CCDC68: variants seen among roughly 807,000 people sequenced by gnomAD.
The protein encoded by CCDC68 is coiled-coil domain containing 68.
In CCDC68, 45 loss-of-function variants were observed where a neutral mutation model predicts 47.1. The observed-to-expected ratio is 0.96, with a 90% CI of 0.75 to 1.23. CCDC68 has a LOEUF of 1.23. Ranked by LOEUF, CCDC68 falls within the 50% of genes most tolerant of loss-of-function variation. The pLI, the probability that CCDC68 is intolerant of heterozygous loss-of-function variation, is 0.00. For synonymous variants in CCDC68, 131 were observed against 129.5 expected (o/e 1.01, Z -0.08); for missense variants, 353 against 373.6 (o/e 0.94, Z 0.45).
Position 54,934,143 on chromosome 18 carries a change from TA to T in CCDC68, c.600+676del, listed in dbSNP as rs555251543. Among the ~76,000 whole-genome samples the T allele has an allele frequency of 9.8e-4, 150 of 152,352 alleles. 1 individual carries two copies. The highest frequency in any genetic ancestry group is 1.4e-3 in the Non-Finnish European group (98 of 68,024). ...GCCAGTTTTCTCTTTGTTTTGCTAA[TA>T]AAAAATATTCCTTGATTTGTCCAAA... On this transcript the variant is annotated intron_variant, in intron 7 of 11. Transcript: ENST00000591504.
intron 8 of CCDC68, among the ~76,000 whole-genome samples, chr18:54,925,086 A>G (rs1424742181): frequency 6.6e-6 from 1 of 152,126 alleles, no homozygotes; most frequent in African/African-American, 2.4e-5. Context: ...GATCGCAAAC[A>G]CCTGATTGGT....
At chr18:54,931,096 G>T (rs948104563) in intron 7 of CCDC68, among the ~76,000 whole-genome samples, 45 of 152,044 alleles carry the variant, frequency 3.0e-4, no homozygotes, top group Admixed American at 6.5e-4. Context: ...TTTTGAATTT[G>T]TAGGGTGAGG....
At chr18:54,919,713 T>A (rs1274447591) in intron 8 of CCDC68, among the ~76,000 whole-genome samples, 1 of 152,202 alleles carries the variant, frequency 6.6e-6, no homozygotes, top group Non-Finnish European at 1.5e-5. Flanking sequence ...CCCACAGACC[T>A]GGCACCCATC....
intron 1 of CCDC68, among the ~76,000 whole-genome samples, chr18:54,952,889 C>T (rs9675382): frequency 0.99 from 150,701 of 152,270 alleles, 74,597 homozygotes; most frequent in East Asian, 1. Flanking sequence ...GGTGCACGTG[C>T]GTAATCACAG....
chr18:54,934,240 C>G (rs1044238260), intron 7 of CCDC68, among the ~76,000 whole-genome samples: 1 of 152,206 alleles, frequency 6.6e-6, no homozygotes, highest in African/African-American at 2.4e-5. Context: ...GTGCCAGCTA[C>G]TTAAATGAAC....
intron 1 of CCDC68, among the ~76,000 whole-genome samples, chr18:54,952,574 T>G (rs1285172346): frequency 6.6e-6 from 1 of 152,160 alleles, no homozygotes; most frequent in Non-Finnish European, 1.5e-5. Flanking sequence ...AAATACATAG[T>G]ATACAACCCA....
Position 54,919,385 on chromosome 18 carries a change from G to A in CCDC68, c.684-9C>T. ...TCTGAAGATCCTGGCAACTGGGAAT[G>A]CAAAGGGAAAAAGACCAAGAGAAAA... On this transcript the variant is annotated splice_polypyrimidine_tract_variant and intron_variant, in intron 8 of 11. Coordinates refer to ENST00000591504, the MANE Select transcript of CCDC68 (RefSeq NM_025214.3). The A allele has an allele frequency of 6.3e-7, 1 of 1,596,606 alleles. No individual in the cohort carries two copies.
chr18:54,918,796 TC>T (rs2145423201), intron 9 of CCDC68, among the ~76,000 whole-genome samples: 1 of 152,300 alleles, frequency 6.6e-6, no homozygotes, highest in African/African-American at 2.4e-5. Context: ...AAATACACAC[TC>T]CGCCATCTAG....
chr18:54,908,359 G>A (rs557202023), intron 10 of CCDC68, among the ~76,000 whole-genome samples: 8 of 152,204 alleles, frequency 5.3e-5, no homozygotes, highest in Non-Finnish European at 1.0e-4. Context: ...ATCTATACTA[G>A]TGGTAAATGA....
intron 11 of CCDC68, among the ~76,000 whole-genome samples, chr18:54,904,853 G>GTA (rs938185151): frequency 3.3e-5 from 5 of 152,068 alleles, no homozygotes; most frequent in South Asian, 2.1e-4. Flanking sequence ...GTATGTGTGT[G>GTA]TATATATATA....
intron 6 of CCDC68, 49 bp downstream of exon 6, chr18:54,936,784 G>T: frequency 6.2e-7 from 1 of 1,610,036 alleles, no homozygotes; most frequent in Non-Finnish European, 8.5e-7. Context: ...AACTTCAACA[G>T]CTCAGGGTGG....
chr18:54,913,833 AAAAAT>A (rs928237379), intron 10 of CCDC68, among the ~76,000 whole-genome samples: 4 of 152,158 alleles, frequency 2.6e-5, no homozygotes, highest in Non-Finnish European at 4.4e-5. Flanking sequence ...ATAACAAAAT[AAAAAT>A]AAAATAAAAT....
chr18:54,956,258 GA>G (rs1275898900), intron 1 of CCDC68, among the ~76,000 whole-genome samples: 4 of 152,250 alleles, frequency 2.6e-5, no homozygotes, highest in Non-Finnish European at 5.9e-5. Context: ...AAAATGCTGG[GA>G]TTATAGGTGT....
chr18:54,934,785 C>A, intron 7 of CCDC68, 35 bp downstream of exon 7: 2 of 1,386,762 alleles, frequency 1.4e-6, no homozygotes, highest in South Asian at 3.9e-5. Flanking sequence ...CTAATGCTGT[C>A]AGTAAGAAAA....
At chr18:54,927,623 A>G (rs2044167539) in intron 8 of CCDC68, among the ~76,000 whole-genome samples, 1 of 152,250 alleles carries the variant, frequency 6.6e-6, no homozygotes, top group African/African-American at 2.4e-5. Flanking sequence ...TCCAAGATCT[A>G]AGGATACTTT....
chr18:54,953,003 ACT>A (rs1410999829), intron 1 of CCDC68, among the ~76,000 whole-genome samples: 1 of 151,324 alleles, frequency 6.6e-6, no homozygotes, highest in African/African-American at 2.4e-5. Context: ...ACAGAGTGAG[ACT>A]CTGTTTCAAA....
chr18:54,952,614 T>G (rs2044637526), intron 1 of CCDC68, among the ~76,000 whole-genome samples: 1 of 152,152 alleles, frequency 6.6e-6, no homozygotes, highest in African/African-American at 2.4e-5. Context: ...TTTATCCAAG[T>G]GAAATGAAAA....
chr18:54,941,339 C>A (rs946299713), intron 3 of CCDC68, among the ~76,000 whole-genome samples: 2 of 152,082 alleles, frequency 1.3e-5, no homozygotes, highest in Admixed American at 6.6e-5. Flanking sequence ...TGAATATTAT[C>A]CCCCAAAAAA....
chr18:54,915,575 T>C (rs2043930778), intron 10 of CCDC68, among the ~76,000 whole-genome samples: 2 of 152,224 alleles, frequency 1.3e-5, no homozygotes, highest in African/African-American at 4.8e-5. Flanking sequence ...TTTCTTGTTC[T>C]ATTTGCTTAT....
Sources: gnomAD v4.1 joint callset for allele counts (sites outside exome capture counted in the v4.1 genomes callset) on GRCh38, gnomAD v4.1.1 for gene constraint, MANE v1.5 for transcripts, NCBI Gene and HGNC (gene_info 2026-07-23, HGNC 2026-07-21) for gene names.